GPHN: variants seen among roughly 807,000 people sequenced by gnomAD.
GPHN encodes gephyrin.
GPHN carries 17 observed loss-of-function variants against 95.5 expected under a neutral mutation model. The observed-to-expected ratio is 0.18, with a 90% CI of 0.12 to 0.27. GPHN has a LOEUF of 0.27. Ranked by LOEUF, GPHN falls within the 10% of genes least tolerant of loss-of-function variation. The probability of loss-of-function intolerance (pLI) is 1.00; values close to 1 mark genes in which losing one functional copy is unlikely to be tolerated. For synonymous variants in GPHN, 320 were observed against 322.5 expected (o/e 0.99, Z 0.08); for missense variants, 660 against 978.1 (o/e 0.67, Z 4.34).
the GPHN span, among the ~76,000 whole-genome samples, chr14:67,636,521 G>A: frequency 6.6e-6 from 1 of 152,208 alleles, no homozygotes; most frequent in African/African-American, 2.4e-5. Context: ...TTCTTTCAGG[G>A]ATTTACTCAC....
chr14:66,652,919 A>G lies in GPHN; in HGVS notation c.65-28188A>G, dbSNP rs113254178. Among the ~76,000 whole-genome samples the G allele has an allele frequency of 3.6e-3, 553 of 152,238 alleles. 12 individuals are homozygous for G. Among genetic ancestry groups the G allele is most frequent in the African/African-American group, 0.013 (527 of 41,552 alleles). On this transcript the variant is annotated intron_variant, in intron 1 of 22. Coordinates refer to ENST00000478722, the MANE Select transcript of GPHN (RefSeq NM_020806.5). ...TTATGTTTTGCTGCAGCTGCCCTAT[A>G]TTCACAACCTCCTGCATTCCATGCA...
the GPHN span, among the ~76,000 whole-genome samples, chr14:67,494,053 C>T: frequency 1.3e-5 from 2 of 152,084 alleles, no homozygotes; most frequent in Admixed American, 1.3e-4. Context: ...TGACCCCAGC[C>T]ACACCAGGCA....
At chr14:66,570,958 T>A (rs1040887692) in intron 1 of GPHN, among the ~76,000 whole-genome samples, 2 of 152,186 alleles carry the variant, frequency 1.3e-5, no homozygotes, top group African/African-American at 4.8e-5. Flanking sequence ...TTTTTTAACC[T>A]GGTTATTTTC....
At chr14:67,036,291 C>CT (rs539721319) in intron 10 of GPHN, among the ~76,000 whole-genome samples, 55 of 143,306 alleles carry the variant, frequency 3.8e-4, no homozygotes, top group South Asian at 8.9e-4. Flanking sequence ...AAACTGGAAG[C>CT]TTTTTTTTTT....
chr14:67,238,049 G>A, the GPHN span, among the ~76,000 whole-genome samples: 1 of 152,090 alleles, frequency 6.6e-6, no homozygotes, highest in African/African-American at 2.4e-5. Context: ...TTTAGGTCCA[G>A]GAAGCTTGTC....
chr14:67,346,073 C>T, the GPHN span, among the ~76,000 whole-genome samples: 1 of 152,186 alleles, frequency 6.6e-6, no homozygotes, highest in Non-Finnish European at 1.5e-5. Flanking sequence ...CACAAGAATA[C>T]TATTCTAAAT....
intron 1 of GPHN, among the ~76,000 whole-genome samples, chr14:66,629,546 A>C (rs1206783412): frequency 6.6e-6 from 1 of 152,112 alleles, no homozygotes; most frequent in Non-Finnish European, 1.5e-5. Flanking sequence ...TAAAATAATG[A>C]TGTAAAGCAT....
chr14:67,119,249 T>C (rs2078873725), intron 16 of GPHN, among the ~76,000 whole-genome samples: 1 of 152,250 alleles, frequency 6.6e-6, no homozygotes, highest in Admixed American at 6.5e-5. Context: ...TTAGCTGTTA[T>C]GCAAATAATG....
intron 16 of GPHN, among the ~76,000 whole-genome samples, chr14:67,116,834 C>A (rs906423556): frequency 6.6e-6 from 1 of 152,216 alleles, no homozygotes; most frequent in Non-Finnish European, 1.5e-5. Context: ...CTAAATGTTT[C>A]TCTTCCCTTC....
chr14:66,509,068 G>T, intron 1 of GPHN: 1 of 213,878 alleles, frequency 4.7e-6, no homozygotes, highest in African/African-American at 2.4e-5. Flanking sequence ...CAGTATCTGT[G>T]CTTGCCTGGA....
At chr14:67,191,631 C>T in the GPHN span, among the ~76,000 whole-genome samples, 1 of 152,172 alleles carries the variant, frequency 6.6e-6, no homozygotes. Flanking sequence ...ATCCCATATC[C>T]GTATCTAAGA....
At chr14:66,814,861 T>A (rs1221326735) in intron 3 of GPHN, among the ~76,000 whole-genome samples, 1 of 152,136 alleles carries the variant, frequency 6.6e-6, no homozygotes, top group Non-Finnish European at 1.5e-5. Context: ...GAAATGAAGA[T>A]CATTGAGCTA....
At chr14:67,220,194 G>A in the GPHN span, among the ~76,000 whole-genome samples, 1 of 152,138 alleles carries the variant, frequency 6.6e-6, no homozygotes, top group African/African-American at 2.4e-5. Context: ...CCAAAACTTT[G>A]AGAGGCCCAG....
intron 5 of GPHN, among the ~76,000 whole-genome samples, chr14:66,888,334 A>G (rs1045879604): frequency 6.6e-6 from 1 of 152,204 alleles, no homozygotes; most frequent in Non-Finnish European, 1.5e-5. Context: ...CTCCCTATCT[A>G]TAGAGGAAGA....
the GPHN span, among the ~76,000 whole-genome samples, chr14:67,455,217 G>A: frequency 2.0e-5 from 3 of 152,168 alleles, no homozygotes; most frequent in African/African-American, 7.2e-5. Flanking sequence ...CCAAGGTGCT[G>A]GCCAGGTCTG....
chr14:66,778,466 TA>T (rs1258504838), intron 3 of GPHN, among the ~76,000 whole-genome samples: 1 of 152,184 alleles, frequency 6.6e-6, no homozygotes, highest in Non-Finnish European at 1.5e-5. Context: ...TCTAACATTT[TA>T]CTAAGTCTTA....
chr14:67,204,945 G>A, the GPHN span: 1 of 1,610,580 alleles, frequency 6.2e-7, no homozygotes, highest in Non-Finnish European at 8.5e-7. Context: ...AGGTCCCAGA[G>A]GTCCCGGATG....
chr14:66,547,352 CTT>C (rs1189716755), intron 1 of GPHN, among the ~76,000 whole-genome samples: 1 of 152,122 alleles, frequency 6.6e-6, no homozygotes, highest in Non-Finnish European at 1.5e-5. Flanking sequence ...TGGAATCGAT[CTT>C]TCCAAACATA....
At chr14:66,952,064 C>A (rs1472503291) in intron 8 of GPHN, among the ~76,000 whole-genome samples, 1 of 152,114 alleles carries the variant, frequency 6.6e-6, no homozygotes, top group African/African-American at 2.4e-5. Flanking sequence ...CCATTCTAAT[C>A]ATTTTAAAGT....
Sources: gnomAD v4.1 joint callset for allele counts (sites outside exome capture counted in the v4.1 genomes callset) on GRCh38, gnomAD v4.1.1 for gene constraint, MANE v1.5 for transcripts, NCBI Gene and HGNC (gene_info 2026-07-23, HGNC 2026-07-21) for gene names.